The following NBEA variants were observed in gnomAD, a reference collection of about 807,000 sequenced individuals.
NBEA encodes lysosomal-trafficking regulator 2.
Under a neutral mutation model 343.4 loss-of-function variants are expected in NBEA, and 44 were observed. The observed-to-expected ratio is 0.13, with a 90% CI of 0.10 to 0.16. NBEA has a LOEUF of 0.16. Ranked by LOEUF, NBEA falls within the 10% of genes least tolerant of loss-of-function variation. The pLI, the probability that NBEA is intolerant of heterozygous loss-of-function variation, is 1.00. For synonymous variants in NBEA, 1,175 were observed against 1,238.7 expected (o/e 0.95, Z 1.08); for missense variants, 2,555 against 3,631.3 (o/e 0.70, Z 7.62).
chr13:35,649,977 A>C (rs2084437508), intron 52 of NBEA, 130 bp downstream of exon 52: 2 of 919,922 alleles, frequency 2.2e-6, no homozygotes, highest in African/African-American at 1.7e-5. Context: ...TAAATAAATA[A>C]TTGTCAAATC....
At chr13:35,077,683 G>A in intron 10 of NBEA, among the ~76,000 whole-genome samples, 1 of 152,046 alleles carries the variant, frequency 6.6e-6, no homozygotes, top group Admixed American at 6.6e-5. Context: ...TTTTCAATGG[G>A]TAGAAGAGTT....
intron 41 of NBEA, among the ~76,000 whole-genome samples, chr13:35,527,277 G>A (rs1047392086): frequency 3.3e-5 from 5 of 152,118 alleles, no homozygotes; most frequent in African/African-American, 1.2e-4. Context: ...TCGGCCGAAC[G>A]GTCATCAATG....
At chr13:35,007,854 A>T (rs1361045059) in intron 1 of NBEA, among the ~76,000 whole-genome samples, 1 of 152,132 alleles carries the variant, frequency 6.6e-6, no homozygotes, top group Non-Finnish European at 1.5e-5. Context: ...TAACTTCATT[A>T]TCTAGTCATT....
At chr13:34,962,555 A>G (rs1470123452) in intron 1 of NBEA, among the ~76,000 whole-genome samples, 1 of 152,122 alleles carries the variant, frequency 6.6e-6, no homozygotes. Flanking sequence ...AACGTTACAG[A>G]GTTGAGGAAA....
intron 35 of NBEA, among the ~76,000 whole-genome samples, chr13:35,301,524 T>C (rs2152826618): frequency 6.6e-6 from 1 of 152,346 alleles, no homozygotes; most frequent in East Asian, 1.9e-4. Context: ...GAACTCGTTC[T>C]TTTTTATGGC....
chr13:35,641,307 T>G (rs1268155446), intron 49 of NBEA, among the ~76,000 whole-genome samples: 1 of 152,122 alleles, frequency 6.6e-6, no homozygotes, highest in Middle Eastern at 3.2e-3. Flanking sequence ...ACCCTATGAC[T>G]CACCAATCCC....
At chr13:35,388,289 T>G (rs2042344774) in intron 38 of NBEA, among the ~76,000 whole-genome samples, 1 of 152,210 alleles carries the variant, frequency 6.6e-6, no homozygotes, top group African/African-American at 2.4e-5. Context: ...AGTTAAAATA[T>G]GTCTTGGAAA....
At chr13:35,077,659 C>T (rs2064179683) in intron 10 of NBEA, among the ~76,000 whole-genome samples, 1 of 152,068 alleles carries the variant, frequency 6.6e-6, no homozygotes, top group Non-Finnish European at 1.5e-5. Flanking sequence ...ATTGCTGTTG[C>T]CCTTTTCCAG....
chr13:35,090,768 C>G (rs1204670601), intron 10 of NBEA, among the ~76,000 whole-genome samples: 2 of 151,876 alleles, frequency 1.3e-5, no homozygotes, highest in African/African-American at 4.8e-5. Context: ...TGAGCACACT[C>G]TACCCTGTTT....
At chr13:35,136,219 A>G (rs933153296) in intron 17 of NBEA, among the ~76,000 whole-genome samples, 25 of 152,184 alleles carry the variant, frequency 1.6e-4, no homozygotes, top group Non-Finnish European at 2.9e-5. Context: ...TTCTATCCCT[A>G]CAAAGCCAAC....
At chr13:35,466,666 G>T (rs1293162592) in intron 40 of NBEA, among the ~76,000 whole-genome samples, 12 of 151,902 alleles carry the variant, frequency 7.9e-5, no homozygotes, top group African/African-American at 2.9e-4. Flanking sequence ...ATGAGATCTC[G>T]CTATATTGCC....
chr13:35,194,808 T>G (rs1013541295), intron 30 of NBEA, among the ~76,000 whole-genome samples: 1 of 152,126 alleles, frequency 6.6e-6, no homozygotes, highest in African/African-American at 2.4e-5. Context: ...TTTAAAGATT[T>G]TTTTATTTCA....
rs545892149 is a variant in NBEA at position 35,005,837 on chromosome 13, T to C, written c.295-35096T>C. 4.6e-5 allele frequency among the ~76,000 whole-genome samples: 7 copies of C among 152,324 alleles called. No individual in the cohort carries two copies. The East Asian group carries it at 9.6e-4, about 21-fold the overall frequency. ...AGAAAAGAGTTTATACTTCCAGATA[T>C]GTGTATGCATAATTATTTTAGGCTT... On this transcript the variant is annotated intron_variant, in intron 1 of 58. Transcript: ENST00000379939.
At chr13:35,516,229 A>G (rs917804457) in intron 41 of NBEA, among the ~76,000 whole-genome samples, 13 of 152,172 alleles carry the variant, frequency 8.5e-5, no homozygotes, top group African/African-American at 3.1e-4. Flanking sequence ...GCAAGTTCCT[A>G]TATTCAGGAA....
intron 1 of NBEA, among the ~76,000 whole-genome samples, chr13:35,013,658 G>A (rs1170327942): frequency 2.6e-5 from 4 of 151,848 alleles, no homozygotes; most frequent in Non-Finnish European, 5.9e-5. Flanking sequence ...TAGCAGAGAC[G>A]GAATTTCACC....
chr13:35,600,146 T>G (rs1020439297), intron 47 of NBEA, among the ~76,000 whole-genome samples: 1 of 152,128 alleles, frequency 6.6e-6, no homozygotes, highest in Non-Finnish European at 1.5e-5. Flanking sequence ...TTACCAAGAA[T>G]TTACATTAAA....
chr13:35,238,159 A>T (rs942624775), intron 34 of NBEA, among the ~76,000 whole-genome samples: 1 of 152,226 alleles, frequency 6.6e-6, no homozygotes, highest in African/African-American at 2.4e-5. Flanking sequence ...AGCCAAAGAT[A>T]ACAAAGCTGC....
chr13:35,379,989 G>A (rs569656057), intron 38 of NBEA, among the ~76,000 whole-genome samples: 1 of 152,216 alleles, frequency 6.6e-6, no homozygotes, highest in East Asian at 1.9e-4. Flanking sequence ...GAATCAGCAT[G>A]CCAATTTCTG....
At chr13:35,208,644 T>G in intron 31 of NBEA, 56 bp from the exon 32 acceptor site, 1 of 1,436,884 alleles carries the variant, frequency 7.0e-7, no homozygotes, top group Non-Finnish European at 9.4e-7. Context: ...TGCAGCAGGA[T>G]TATAATTCAT....
Sources: allele counts gnomAD v4.1 joint callset (sites outside exome capture counted in the v4.1 genomes callset), GRCh38; gene constraint gnomAD v4.1.1; transcripts MANE v1.5; gene names NCBI Gene and HGNC (gene_info 2026-07-23, HGNC 2026-07-21).